PLXNB3: variants seen among roughly 807,000 people sequenced by gnomAD.
PLXNB3 encodes plexin B3.
Under a neutral mutation model 125.7 loss-of-function variants are expected in PLXNB3, and 80 were observed. The ratio of observed to expected loss-of-function variants is 0.64; its 90% confidence interval spans 0.53 to 0.77. The LOEUF (loss-of-function observed/expected upper bound fraction) is 0.77, where lower values mean the gene tolerates loss of function less well. Among genes scored for constraint, PLXNB3 ranks in the 30% least tolerant of loss-of-function variants. The pLI, the probability that PLXNB3 is intolerant of heterozygous loss-of-function variation, is 0.00. For synonymous variants in PLXNB3, 954 were observed against 783.3 expected (o/e 1.22, Z -3.64); for missense variants, 1,836 against 1,729.3 (o/e 1.06, Z -1.09).
In PLXNB3 at chrX:153,770,091, G is replaced by C; in HGVS notation, c.1630-1G>C. 8.3e-7 allele frequency: 1 copy of C among 1,210,657 alleles called. No individual in the cohort carries two copies. Among genetic ancestry groups the C allele is most frequent in the Non-Finnish European group, 1.1e-6 (1 of 895,034 alleles). ...CCCGGTTTCTCCCCGCTGCATCCCA[G>C]GTCACTTTGTCTGTCCCCCGGCTGC... On this transcript the variant is annotated splice_acceptor_variant, in intron 7 of 35. Transcript: ENST00000361971. LOFTEE classifies it high-confidence loss of function.
In PLXNB3 at chrX:153,770,581, G is replaced by A; in HGVS notation, c.1949G>A (p.Ser650Asn). 1 of 1,211,369 alleles carries A rather than the reference G, an allele frequency of 8.3e-7. No individual in the cohort carries two copies. Among genetic ancestry groups the A allele is most frequent in the Non-Finnish European group, 1.1e-6 (1 of 895,458 alleles). The part of the protein sequence containing the change: ...IWRCHWCPQS[S>N]HCVYGEHCPE... Reference sequence around the variant, plus strand: ...CGGTGTCACTGGTGCCCGCAGAGTAGCCACTGCGTGTACGGAGAGCACTGC... The same window carrying A: ...CGGTGTCACTGGTGCCCGCAGAGTAACCACTGCGTGTACGGAGAGCACTGC... The change falls in exon 10 of 36, where the codon AGC (serine) becomes AAC (asparagine). Residue 650 changes from serine to asparagine, a missense_variant. Coordinates refer to ENST00000361971, the MANE Select transcript of PLXNB3 (RefSeq NM_005393.3).
In PLXNB3 at chrX:153,778,976, G is replaced by A. The variant is rs1332572510; in HGVS notation, c.5667G>A (p.Leu1889=). The change falls in exon 36 of 36, where the codon CTG becomes CTA. Residue 1889 remains leucine, a synonymous_variant. Coordinates refer to ENST00000361971, the MANE Select transcript of PLXNB3 (RefSeq NM_005393.3). ...ALEEDPVGQK[L]QLACRLQQVA... ...AGGAGGACCCTGTGGGCCAGAAGCT[G>A]CAGCTGGCCTGCCGCCTGCAGCAGG... The A allele has an allele frequency of 4.2e-6, 5 of 1,197,100 alleles. No homozygotes were observed. In the African/African-American group the frequency reaches 8.7e-5, roughly 21 times the overall value.
Position 153,771,080 on chromosome X carries a change from A to C in PLXNB3, c.2252A>C (p.Gln751Pro). 1 of 1,192,604 alleles carries C rather than the reference A, an allele frequency of 8.4e-7. No individual in the cohort carries two copies. Among genetic ancestry groups the C allele is most frequent in the Non-Finnish European group, 1.1e-6 (1 of 880,094 alleles). Residue 751 changes from glutamine to proline, a missense_variant and splice_region_variant, in exon 12 of 36, where the codon CAG becomes CCG. Physicochemically the swap from Gln to Pro is moderately conservative, Grantham distance 76. Coordinates refer to ENST00000361971, the MANE Select transcript of PLXNB3 (RefSeq NM_005393.3). ...DSGLIHCQAH[Q>P]FYPSMSQREL... ...GGCCTCATCCACTGCCAGGCCCACC[A>C]GGTGAGTGGCTGCCTTCCAAACCCT... is the stretch of plus-strand genomic sequence containing the variant.
chrX:153,774,728 C>T lies in PLXNB3; in HGVS notation c.3853C>T (p.Arg1285Trp). 4.2e-6 allele frequency: 5 copies of T among 1,177,930 alleles called. No homozygotes were observed. Among genetic ancestry groups the T allele is most frequent in the East Asian group, 3.0e-5 (1 of 33,376 alleles). ...MYRHKSKQAL[R>W]DYQKVLVQLE... ...CAGGCACAAGAGCAAGCAGGCCCTG[C>T]GGGACTACCAGAAGGTGCTAGTGCA... The change falls in exon 23 of 36, where the codon CGG becomes TGG. Residue 1285 changes from arginine to tryptophan, a missense_variant. By Grantham distance (101) the Arg-to-Trp change is moderately radical (BLOSUM62 -3). Transcript: ENST00000361971.
rs782501276 is a variant in PLXNB3, at chrX:153,778,485, C to T, written c.5550+14C>T. 4 of 1,204,855 alleles carry T rather than the reference C, an allele frequency of 3.3e-6. No homozygotes were observed. Among genetic ancestry groups the T allele is most frequent in the East Asian group, 3.0e-5 (1 of 33,696 alleles). ...GAGCTCTCCGGGGTGAGGCATGGCC[C>T]GGGGGGTGCGCCTGTCCACACGTGG... is the stretch of plus-strand genomic sequence containing the variant. On this transcript the variant is annotated intron_variant, in intron 34 of 35. Transcript: ENST00000361971.
intron 14 of PLXNB3, 36 bp downstream of exon 14, chrX:153,771,691 C>T (rs782132273): frequency 3.5e-6 from 4 of 1,149,997 alleles, no homozygotes; most frequent in African/African-American, 3.5e-5. Context: ...GCCCAGTGGC[C>T]CACTTCTCCT....
chrX:153,777,587 C>T lies in PLXNB3; in HGVS notation c.5160C>T (p.Pro1720=), dbSNP rs1557064904. The T allele has an allele frequency of 1.7e-6, 2 of 1,211,813 alleles. No homozygotes were observed. The highest frequency in any genetic ancestry group is 1.7e-5 in the African/African-American group (1 of 58,002). Residue 1720 remains proline (P), a synonymous_variant, in exon 31 of 36, where the codon CCC becomes CCT. Coordinates refer to ENST00000361971, the MANE Select transcript of PLXNB3 (RefSeq NM_005393.3). ...TFQAILSVNR[P]IPIAVKYLFD... ...AGGCCATTCTCAGCGTGAACCGGCCCATCCCCATCGCCGTCAAGTACCTGT... is the reference window on the plus strand; with the variant it reads ...AGGCCATTCTCAGCGTGAACCGGCCTATCCCCATCGCCGTCAAGTACCTGT...
chrX:153,776,857 A>T (rs1229979850), intron 28 of PLXNB3, 30 bp from the exon 29 acceptor site: 1 of 1,060,278 alleles, frequency 9.4e-7, no homozygotes, highest in Non-Finnish European at 1.3e-6. Context: ...GCTAGGGGTC[A>T]GCACAGCCTC....
chrX:153,776,230 C>T lies in PLXNB3; in HGVS notation c.4729+16C>T. The T allele has an allele frequency of 8.8e-7, 1 of 1,131,796 alleles. No individual in the cohort carries two copies. The highest frequency in any genetic ancestry group is 1.2e-6 in the Non-Finnish European group (1 of 843,383). The allele number at this position is 1,131,796 out of a possible 1,213,427, so 93.3% of individuals were successfully genotyped here. Reference sequence around the variant, plus strand: ...CTAGACCTTGGTGAGAGAGCCAGCCCTGCCCACCCACCCCAGGGACCCTTC... The same window carrying T: ...CTAGACCTTGGTGAGAGAGCCAGCCTTGCCCACCCACCCCAGGGACCCTTC... On this transcript the variant is annotated intron_variant, in intron 27 of 35. Coordinates refer to ENST00000361971, the MANE Select transcript of PLXNB3 (RefSeq NM_005393.3).
intron 2 of PLXNB3, chrX:153,766,005 C>G (rs370092231): frequency 1.3e-6 from 1 of 753,384 alleles, no homozygotes; most frequent in African/African-American, 2.3e-5. Context: ...CCAGCCAGCT[C>G]TCCTGGTCTG....
chrX:153,768,826 C>A, intron 4 of PLXNB3, 122 bp from the exon 5 acceptor site: 1 of 831,648 alleles, frequency 1.2e-6, no homozygotes, highest in Non-Finnish European at 1.7e-6. Flanking sequence ...TGTCCTCCCT[C>A]GATGGCCCGG....
chrX:153,774,105 G>A lies in PLXNB3; in HGVS notation c.3519+7G>A, dbSNP rs781794472. On this transcript the variant is annotated splice_region_variant and intron_variant, in intron 20 of 35. Coordinates refer to ENST00000361971, the MANE Select transcript of PLXNB3 (RefSeq NM_005393.3). ...CCATGTCCTGGATGTGGAGGTGAGG[G>A]CCACCTTCAACCCTGCCCCGCCACG... 1.9e-5 allele frequency: 23 copies of A among 1,188,567 alleles called. No individual in the cohort carries two copies. In the South Asian group the frequency reaches 2.9e-4, roughly 15 times the overall value.
rs945520623 is a variant in PLXNB3, at chrX:153,774,548, G to C, written c.3807G>C (p.Val1269=). ...GMGAAVLIAA[V]LLLTLMYRHK... is the part of the protein sequence containing the mutation. ...GTGCTGCAGTGCTGATTGCCGCCGTGCTCCTCCTCACCCTCATGTACAGGT... is the reference window on the plus strand; with the variant it reads ...GTGCTGCAGTGCTGATTGCCGCCGTCCTCCTCCTCACCCTCATGTACAGGT... Residue 1269 remains valine (V), a synonymous_variant, in exon 22 of 36, where the codon GTG becomes GTC. Transcript: ENST00000361971. The C allele has an allele frequency of 1.7e-6, 2 of 1,207,101 alleles. No homozygotes were observed. Among genetic ancestry groups the C allele is most frequent in the Admixed American group, 2.2e-5 (1 of 45,847 alleles).
At chrX:153,766,323 A>G (rs1557059164) in intron 2 of PLXNB3, 1 of 1,154,636 alleles carries the variant, frequency 8.7e-7, no homozygotes, top group East Asian at 3.3e-5. Flanking sequence ...TGGCTGCCCA[A>G]GGCAGGTTTT....
chrX:153,768,540 C>A, intron 4 of PLXNB3, 112 bp downstream of exon 4: 1 of 698,451 alleles, frequency 1.4e-6, no homozygotes, highest in Non-Finnish European at 2.1e-6. Flanking sequence ...GGTCAGGGGA[C>A]TTTGCCACAC....
rs1354451731 is a variant in PLXNB3 at position 153,767,141 on chromosome X, C to T, written c.314C>T (p.Ala105Val). The change falls in exon 3 of 36, where the codon GCC (alanine) becomes GTC (valine). Residue 105 changes from alanine to valine, a missense_variant. By Grantham distance (64) the Ala-to-Val change is moderately conservative. Coordinates refer to ENST00000361971, the MANE Select transcript of PLXNB3 (RefSeq NM_005393.3). Reference sequence around the variant, plus strand: ...GACTGCGTGCCCTTCCGTGACCCAGCCGAGTGCCCACAGGCCCAGCTCACT... The same window carrying T: ...GACTGCGTGCCCTTCCGTGACCCAGTCGAGTGCCCACAGGCCCAGCTCACT... ...SPDCVPFRDP[A>V]ECPQAQLTDN... 8.3e-7 allele frequency: 1 copy of T among 1,208,262 alleles called. No homozygotes were observed. The highest frequency in any genetic ancestry group is 1.1e-6 in the Non-Finnish European group (1 of 894,544).
At chrX:153,775,685 C>T in intron 26 of PLXNB3, 25 bp downstream of exon 26, 1 of 1,192,644 alleles carries the variant, frequency 8.4e-7, no homozygotes, top group Non-Finnish European at 1.1e-6. Flanking sequence ...CCCGCCTGCT[C>T]CCAGCCCTGA....
At position 153,768,935 on chromosome X, in the gene PLXNB3, T is replaced by TC. The variant is rs782491123; in HGVS notation, c.1267-7dup. ...GCCATCTGGCCCAGCCTCGTCCTTG[T>TC]CCCCCCACTCAGGTCTTTCTCCACG... is the stretch of plus-strand genomic sequence containing the variant. On this transcript the variant is annotated splice_polypyrimidine_tract_variant and intron_variant, in intron 4 of 35. Transcript: ENST00000361971. 42 of 1,206,743 alleles carry TC rather than the reference T, an allele frequency of 3.5e-5. No individual in the cohort carries two copies. The highest frequency in any genetic ancestry group is 4.5e-5 in the Non-Finnish European group (40 of 893,289).
chrX:153,774,583 C>G lies in PLXNB3; in HGVS notation c.3830+12C>G. ...ACCCTCATGTACAGGTGAGACCCGC[C>G]CACCCCCAGCACACTTCCCTCCTCG... is the stretch of plus-strand genomic sequence containing the variant. On this transcript the variant is annotated intron_variant, in intron 22 of 35. Transcript: ENST00000361971. 1 of 1,186,165 alleles carries G rather than the reference C, an allele frequency of 8.4e-7. No individual in the cohort carries two copies. The highest frequency in any genetic ancestry group is 1.1e-6 in the Non-Finnish European group (1 of 880,612).
Sources: gnomAD v4.1 joint callset for allele counts on GRCh38, gnomAD v4.1.1 for gene constraint, MANE v1.5 for transcripts, NCBI Gene and HGNC (gene_info 2026-07-23, HGNC 2026-07-21) for gene names.